SASH1: variants seen among roughly 807,000 people sequenced by gnomAD.
SASH1 encodes SAM and SH3 domain-containing protein 1.
A neutral mutation model predicts 125.2 loss-of-function variants in SASH1; 44 were observed. The ratio of observed to expected loss-of-function variants is 0.35; its 90% CI spans 0.28 to 0.45. The LOEUF (loss-of-function observed/expected upper bound fraction) is 0.45. Among genes scored for constraint, SASH1 ranks in the 20% least tolerant of loss-of-function variants. The pLI is 1.00. For synonymous variants in SASH1, 639 were observed against 649.1 expected (o/e 0.98, Z 0.24); for missense variants, 1,426 against 1,614.5 (o/e 0.88, Z 2.00).
In SASH1 at chr6:148,421,190, A is replaced by G. The variant is rs879730842; in HGVS notation, c.286-18994A>G. ...GAAAGAAAGAAAGAAAGAAAGAAAGAAAGAAAGAAAGAAAGAAAGAAAGAA... is the reference window on the plus strand; with the variant it reads ...GAAAGAAAGAAAGAAAGAAAGAAAGGAAGAAAGAAAGAAAGAAAGAAAGAA... On this transcript the variant is annotated intron_variant, in intron 2 of 19. Transcript: ENST00000367467. Among the ~76,000 whole-genome samples the G allele has an allele frequency of 3.4e-3, 507 of 147,466 alleles. 2 individuals are homozygous for G. The highest frequency in any genetic ancestry group is 8.8e-3 in the African/African-American group (358 of 40,544).
At chr6:148,530,517 G>A (rs1781450961) in intron 12 of SASH1, among the ~76,000 whole-genome samples, 1 of 152,130 alleles carries the variant, frequency 6.6e-6, no homozygotes, top group Admixed American at 6.5e-5. Context: ...AAGCACTAAT[G>A]TGTGTTGGAT....
chr6:148,195,405 C>T, the SASH1 span, among the ~76,000 whole-genome samples: 5 of 152,310 alleles, frequency 3.3e-5, no homozygotes, highest in African/African-American at 7.2e-5. Flanking sequence ...AGGACTGAGA[C>T]GTAGGCATTG....
chr6:148,524,121 A>ATATATATATATATTTT (rs1193506716), intron 10 of SASH1, among the ~76,000 whole-genome samples: 1 of 128,598 alleles, frequency 7.8e-6, no homozygotes, highest in Non-Finnish European at 1.6e-5. Context: ...ATATATATAT[A>ATATATATATATATTTT]TTTTTTTTAA....
intron 2 of SASH1, among the ~76,000 whole-genome samples, chr6:148,402,370 G>A (rs1485619159): frequency 2.0e-5 from 3 of 152,156 alleles, no homozygotes; most frequent in Non-Finnish European, 4.4e-5. Flanking sequence ...GAGTGAAGTG[G>A]TGCGATCTCA....
At chr6:148,408,055 A>G (rs1050415743) in intron 2 of SASH1, among the ~76,000 whole-genome samples, 6 of 151,802 alleles carry the variant, frequency 4.0e-5, no homozygotes, top group Admixed American at 6.6e-5. Context: ...CTTTTTGATA[A>G]TAACTATCCT....
chr6:148,344,901 G>A (rs1199082999), intron 1 of SASH1, among the ~76,000 whole-genome samples: 2 of 151,896 alleles, frequency 1.3e-5, no homozygotes, highest in Non-Finnish European at 2.9e-5. Flanking sequence ...GATTACAGGC[G>A]CGCAACACCA....
chr6:148,305,325 T>A (rs1780095234), intron 1 of SASH1, among the ~76,000 whole-genome samples: 2 of 152,152 alleles, frequency 1.3e-5, no homozygotes, highest in Admixed American at 1.3e-4. Flanking sequence ...ACTGATCTCT[T>A]GACAAGGCGC....
intron 1 of SASH1, among the ~76,000 whole-genome samples, chr6:148,278,023 T>C (rs1779233545): frequency 6.8e-6 from 1 of 146,856 alleles, no homozygotes; most frequent in Non-Finnish European, 1.5e-5. Flanking sequence ...CCTTGTTTTG[T>C]TTTTGTTTTT....
intron 1 of SASH1, among the ~76,000 whole-genome samples, chr6:148,371,548 G>A (rs1374332454): frequency 3.3e-5 from 5 of 152,002 alleles, no homozygotes; most frequent in Non-Finnish European, 7.4e-5. Context: ...GATTACAGGC[G>A]TGAGCCACTG....
intron 17 of SASH1, 95 bp from the exon 18 acceptor site, chr6:148,543,585 T>G: frequency 1.0e-6 from 1 of 986,208 alleles, no homozygotes. Flanking sequence ...AGGATGTGGG[T>G]GTTGGAGATT....
chr6:148,505,133 T>A (rs533436628), intron 8 of SASH1, among the ~76,000 whole-genome samples: 12 of 152,330 alleles, frequency 7.9e-5, no homozygotes, highest in Admixed American at 7.2e-4. Context: ...GGCTTCTCAC[T>A]GCCTATCTTA....
chr6:148,383,096 G>C (rs892291858), intron 1 of SASH1, among the ~76,000 whole-genome samples: 31 of 152,366 alleles, frequency 2.0e-4, no homozygotes, highest in African/African-American at 6.7e-4. Flanking sequence ...AGTGATGACA[G>C]AGCTGGTGAG....
rs184221521 is a variant in SASH1, at chr6:148,536,539, C to T, written c.2095+1638C>T. ...ATTTTTAGTAGAGACGGGGTTTCAC[C>T]ATGATGGCCAAGCTGGCCTCAAACT... On this transcript the variant is annotated intron_variant, in intron 16 of 19. Transcript: ENST00000367467. Among the ~76,000 whole-genome samples, 791 of 152,282 alleles carry T rather than the reference C, an allele frequency of 5.2e-3. 1 individual carries two copies. Among genetic ancestry groups the T allele is most frequent in the Non-Finnish European group, 8.3e-3 (568 of 68,028 alleles).
intron 8 of SASH1, among the ~76,000 whole-genome samples, chr6:148,498,750 A>G (rs1485886094): frequency 6.6e-6 from 1 of 152,204 alleles, no homozygotes; most frequent in Non-Finnish European, 1.5e-5. Flanking sequence ...TTGCAATCCC[A>G]GTTTTTTATT....
intron 1 of SASH1, among the ~76,000 whole-genome samples, chr6:148,364,685 A>T (rs1013275915): frequency 2.0e-5 from 3 of 152,202 alleles, no homozygotes; most frequent in Admixed American, 6.5e-5. Flanking sequence ...AGGTTCTGCC[A>T]CGGGAAATGG....
At chr6:148,427,179 T>C (rs1775860341) in intron 2 of SASH1, among the ~76,000 whole-genome samples, 1 of 151,514 alleles carries the variant, frequency 6.6e-6, no homozygotes, top group African/African-American at 2.4e-5. Context: ...TTAGTGAGCA[T>C]GGGATGAGAA....
intron 1 of SASH1, among the ~76,000 whole-genome samples, chr6:148,292,027 A>G (rs1184512680): frequency 2.0e-5 from 3 of 152,164 alleles, no homozygotes; most frequent in Admixed American, 6.5e-5. Flanking sequence ...CTGGTAGCAA[A>G]ATCAGGCAAA....
chr6:148,396,478 G>GAAAAAAAAAAAAAAAA (rs61277112), intron 2 of SASH1, among the ~76,000 whole-genome samples: 1 of 63,788 alleles, frequency 1.6e-5, no homozygotes, highest in Admixed American at 2.3e-4. Context: ...CTGCATCTCA[G>GAAAAAAAAAAAAAAAA]AAAAAAAAAA....
chr6:148,206,646 CAGGGGTGATGGT>C, the SASH1 span, among the ~76,000 whole-genome samples: 1 of 151,844 alleles, frequency 6.6e-6, no homozygotes, highest in Non-Finnish European at 1.5e-5. Context: ...AAAAATTTGC[CAGGGGTGATGGT>C]AGGTGCCTGA....
Sources: gnomAD v4.1 joint callset for allele counts (sites outside exome capture counted in the v4.1 genomes callset) on GRCh38, gnomAD v4.1.1 for gene constraint, MANE v1.5 for transcripts, NCBI Gene and HGNC (gene_info 2026-07-23, HGNC 2026-07-21) for gene names.